Variants in MAF observed in about 807,000 individuals in gnomAD.
MAF encodes the protein transcription factor Maf.
A neutral mutation model predicts 22.0 loss-of-function variants in MAF; 10 were observed. The ratio of observed to expected loss-of-function variants is 0.45; its 90% CI spans 0.28 to 0.77. The LOEUF (loss-of-function observed/expected upper bound fraction) is 0.77. Among genes scored for constraint, MAF ranks in the 30% least tolerant of loss-of-function variants. The pLI is 0.12. For synonymous variants in MAF, 337 were observed against 255.8 expected, an observed-to-expected ratio of 1.32 and a Z score of -3.03; for missense variants, 544 against 548.4, an observed-to-expected ratio of 0.99 and a Z score of 0.08.
the MAF span, among the ~76,000 whole-genome samples, chr16:79,286,702 C>T: frequency 3.9e-5 from 6 of 152,218 alleles, no homozygotes; most frequent in Admixed American, 1.3e-4. Context: ...GACATTCCCA[C>T]GCATCTTTAA....
chr16:79,302,457 C>T, the MAF span, among the ~76,000 whole-genome samples: 2 of 152,226 alleles, frequency 1.3e-5, no homozygotes, highest in Non-Finnish European at 1.5e-5. Flanking sequence ...ATCAGATCAA[C>T]CCACATGGCT....
the MAF span, among the ~76,000 whole-genome samples, chr16:79,243,990 G>A: frequency 2.0e-5 from 3 of 152,112 alleles, no homozygotes; most frequent in South Asian, 4.2e-4. Context: ...AGTAGATGCA[G>A]AAAAGGCCTT....
At chr16:79,415,514 A>T in the MAF span, among the ~76,000 whole-genome samples, 35 of 152,164 alleles carry the variant, frequency 2.3e-4, no homozygotes, top group African/African-American at 7.7e-4. Context: ...GTCCCCTTAA[A>T]TTAGGAATGG....
chr16:79,291,888 G>A, the MAF span, among the ~76,000 whole-genome samples: 1 of 150,610 alleles, frequency 6.6e-6, no homozygotes, highest in Non-Finnish European at 1.5e-5. Flanking sequence ...CTTGCATAGA[G>A]AATTGCAGGT....
the MAF span, among the ~76,000 whole-genome samples, chr16:79,567,210 T>G: frequency 6.6e-6 from 1 of 151,944 alleles, no homozygotes; most frequent in East Asian, 1.9e-4. Context: ...CCCAGCTACT[T>G]GGGAGGCTGA....
At chr16:79,518,342 C>G in the MAF span, among the ~76,000 whole-genome samples, 1 of 152,216 alleles carries the variant, frequency 6.6e-6, no homozygotes, top group Non-Finnish European at 1.5e-5. Context: ...GTGTCCTTCT[C>G]TGGGCATCTC....
At chr16:79,486,800 T>C in the MAF span, among the ~76,000 whole-genome samples, 3 of 152,228 alleles carry the variant, frequency 2.0e-5, no homozygotes, top group Non-Finnish European at 2.9e-5. Context: ...ATCCTGTTGC[T>C]TTTCACCTTG....
At chr16:79,458,275 C>G in the MAF span, among the ~76,000 whole-genome samples, 2 of 151,878 alleles carry the variant, frequency 1.3e-5, no homozygotes, top group Admixed American at 1.3e-4. Context: ...GTTTCTTCCT[C>G]GTGTCTCATC....
chr16:79,596,849 C>A, intron 1 of MAF: 5 of 1,049,144 alleles, frequency 4.8e-6, no homozygotes, highest in Non-Finnish European at 5.8e-6. Context: ...ATTTTTATAA[C>A]TGCATAAATT....
At chr16:79,217,843 G>A in the MAF span, among the ~76,000 whole-genome samples, 4 of 151,968 alleles carry the variant, frequency 2.6e-5, no homozygotes, top group African/African-American at 9.7e-5. Flanking sequence ...TTTTTAAAAT[G>A]GGGTTATGAG....
At chr16:79,540,274 A>G in the MAF span, among the ~76,000 whole-genome samples, 1 of 151,886 alleles carries the variant, frequency 6.6e-6, no homozygotes, top group South Asian at 2.1e-4. Context: ...ATCCCCAGGG[A>G]GGCCATCTCC....
the MAF span, among the ~76,000 whole-genome samples, chr16:79,485,189 C>T: frequency 6.6e-6 from 1 of 152,196 alleles, no homozygotes; most frequent in Admixed American, 6.5e-5. Context: ...CCACCCCTGC[C>T]ACTACTTGCT....
the MAF span, among the ~76,000 whole-genome samples, chr16:79,496,189 C>G: frequency 6.6e-6 from 1 of 151,908 alleles, no homozygotes; most frequent in Non-Finnish European, 1.5e-5. Flanking sequence ...CTAACTAGTA[C>G]GTGTCATGTC....
chr16:79,374,306 T>C, the MAF span, among the ~76,000 whole-genome samples: 1 of 152,200 alleles, frequency 6.6e-6, no homozygotes, highest in East Asian at 1.9e-4. Context: ...TCAGTGTTGT[T>C]CTTGGCTGTT....
the MAF span, among the ~76,000 whole-genome samples, chr16:79,359,203 T>G: frequency 4.6e-5 from 7 of 152,140 alleles, no homozygotes; most frequent in Non-Finnish European, 8.8e-5. Context: ...ATCAGAAGGC[T>G]GTTTTACGCC....
the MAF span, among the ~76,000 whole-genome samples, chr16:79,419,364 C>A: frequency 6.6e-6 from 1 of 152,154 alleles, no homozygotes; most frequent in African/African-American, 2.4e-5. Context: ...TGACTCAGCA[C>A]AAATGGACAG....
At chr16:79,368,321 A>G in the MAF span, among the ~76,000 whole-genome samples, 1 of 152,098 alleles carries the variant, frequency 6.6e-6, no homozygotes, top group African/African-American at 2.4e-5. Context: ...AGAGAAGGTA[A>G]TGGCAGGGCA....
chr16:79,353,656 G>T, the MAF span, among the ~76,000 whole-genome samples: 1 of 152,110 alleles, frequency 6.6e-6, no homozygotes, highest in African/African-American at 2.4e-5. Flanking sequence ...GCCCTGTAAG[G>T]TGGGCTGCTA....
chr16:79,215,791 AAAGG>A, the MAF span, among the ~76,000 whole-genome samples: 1 of 152,312 alleles, frequency 6.6e-6, no homozygotes, highest in South Asian at 2.1e-4. Context: ...CCTCTGCTAT[AAAGG>A]AATTTACATC....
Sources: allele counts gnomAD v4.1 joint callset (sites outside exome capture counted in the v4.1 genomes callset), GRCh38; gene constraint gnomAD v4.1.1; transcripts MANE v1.5; gene names NCBI Gene and HGNC (gene_info 2026-07-23, HGNC 2026-07-21).